SVIL: variants seen among roughly 807,000 people sequenced by gnomAD.
SVIL encodes the protein supervillin.
Under a neutral mutation model 240.4 loss-of-function variants are expected in SVIL, and 101 were observed. That is an observed-to-expected ratio of 0.42 (90% CI 0.36 to 0.50). SVIL has a LOEUF of 0.50. Among genes scored for constraint, SVIL ranks in the 20% least tolerant of loss-of-function variants. SVIL has a pLI of 0.01. For missense variants in SVIL, 2,512 were observed against 2,818.7 expected (o/e 0.89, Z 2.46); for synonymous variants, 999 against 1,100.0 (o/e 0.91, Z 1.82).
intron 1 of SVIL, among the ~76,000 whole-genome samples, chr10:29,728,569 A>G (rs1027778043): frequency 1.3e-5 from 2 of 152,202 alleles, no homozygotes; most frequent in African/African-American, 4.8e-5. Flanking sequence ...AAAAAATGAA[A>G]GGGAAAGGAA....
intron 2 of SVIL, among the ~76,000 whole-genome samples, chr10:29,680,479 G>A (rs544034967): frequency 6.6e-6 from 1 of 152,228 alleles, no homozygotes; most frequent in African/African-American, 2.4e-5. Context: ...CATGGGCAGG[G>A]GGCCGTGGGA....
At chr10:29,584,068 C>A (rs370566469) in intron 1 of SVIL, among the ~76,000 whole-genome samples, 3 of 152,110 alleles carry the variant, frequency 2.0e-5, no homozygotes, top group African/African-American at 7.2e-5. Flanking sequence ...GTGAGTGTGA[C>A]GAAGGAAGGC....
intron 10 of SVIL, among the ~76,000 whole-genome samples, chr10:29,530,938 A>T (rs1951317606): frequency 6.6e-6 from 1 of 152,208 alleles, no homozygotes; most frequent in Admixed American, 6.5e-5. Context: ...GATTTCATGA[A>T]TATATTTTAT....
At chr10:29,485,021 T>C (rs1947259981) in intron 26 of SVIL, among the ~76,000 whole-genome samples, 190 bp from the exon 27 acceptor site, 1 of 151,714 alleles carries the variant, frequency 6.6e-6, no homozygotes, top group Non-Finnish European at 1.5e-5. Flanking sequence ...GCCTCTGCCC[T>C]GCGGGCACGA....
chr10:29,688,033 G>GTTC (rs1443535299), intron 1 of SVIL, among the ~76,000 whole-genome samples: 4 of 152,118 alleles, frequency 2.6e-5, no homozygotes, highest in African/African-American at 9.7e-5. Flanking sequence ...AAGCAGCAAT[G>GTTC]ACACTTTCCC....
At chr10:29,665,816 AAACAAAC>A (rs1959238642) in intron 2 of SVIL, among the ~76,000 whole-genome samples, 1 of 152,014 alleles carries the variant, frequency 6.6e-6, no homozygotes, top group African/African-American at 2.4e-5. Context: ...ACAAACAAAC[AAACAAAC>A]AAAAAACCCT....
At chr10:29,540,533 G>T (rs1952070052) in intron 6 of SVIL, among the ~76,000 whole-genome samples, 1 of 152,236 alleles carries the variant, frequency 6.6e-6, no homozygotes, top group Non-Finnish European at 1.5e-5. Flanking sequence ...ACTGGTAACA[G>T]AAGGATGGGG....
intron 29 of SVIL, among the ~76,000 whole-genome samples, chr10:29,477,218 C>T (rs559875845): frequency 2.5e-4 from 38 of 152,334 alleles, no homozygotes; most frequent in African/African-American, 7.9e-4. Flanking sequence ...GGACATGTTA[C>T]GCCACCAAGG....
chr10:29,618,749 T>C (rs1462399775), intron 1 of SVIL, among the ~76,000 whole-genome samples: 1 of 151,310 alleles, frequency 6.6e-6, no homozygotes, highest in Admixed American at 6.6e-5. Context: ...AGACAAGGTG[T>C]CGCTTTGTCA....
chr10:29,657,721 C>A (rs1286388560), intron 3 of SVIL: 1 of 152,224 alleles, frequency 6.6e-6, no homozygotes, highest in Admixed American at 6.5e-5. Context: ...AAAGGGCACA[C>A]TGGGACACAT....
rs1958039790 is a variant in SVIL, at chr10:29,630,395, G to A, written c.-201+4025C>T. Among the ~76,000 whole-genome samples, 9 of 152,278 alleles carry A rather than the reference G, an allele frequency of 5.9e-5. No homozygotes were observed. The South Asian group carries it at 1.9e-3, about 32-fold the overall frequency. ...TTTCAGAAGGGGACAAGCACATTAG[G>A]AGGAAAAAGAATGCCTCTTTCAAAA... On this transcript the variant is annotated intron_variant, in intron 1 of 37. Transcript: ENST00000355867.
At chr10:29,567,660 C>CT (rs924758249) in intron 2 of SVIL, among the ~76,000 whole-genome samples, 5 of 152,204 alleles carry the variant, frequency 3.3e-5, no homozygotes, top group Non-Finnish European at 7.3e-5. Flanking sequence ...CTTCCTGTCT[C>CT]TTTTTTCCTT....
chr10:29,488,656 C>G lies in SVIL; in HGVS notation c.4293G>C (p.Gln1431His). The change falls in exon 23 of 38, where the codon CAG becomes CAC. Residue 1431 changes from glutamine to histidine, a missense_variant. By Grantham distance (24) the Gln-to-His change is conservative. Transcript: ENST00000355867. The part of the protein sequence containing the change: ...VSLRSVNLTE[Q>H]NSNNSAVPYK... Reference sequence around the variant, plus strand: ...AGGGCACGGCGCTGTTGTTAGAGTTCTGTTCCGTCAGGTTGACGCTCCGCA... The same window carrying G: ...AGGGCACGGCGCTGTTGTTAGAGTTGTGTTCCGTCAGGTTGACGCTCCGCA... 1 of 1,612,952 alleles carries G rather than the reference C, an allele frequency of 6.2e-7. No homozygotes were observed.
rs549924428 is a variant in SVIL, at chr10:29,576,109, C to T, written c.-200-6797G>A. 7.1e-6 allele frequency: 7 copies of T among 985,214 alleles called. No individual in the cohort carries two copies. In the South Asian group the frequency reaches 1.4e-4, roughly 20 times the overall value. 61.0% of individuals were successfully genotyped at this position (985,214 alleles called of 1,614,324 possible). ...AATCTGGTACCTGACTTTTCTCTCC[C>T]GAATACGTTTGGCTTCATTTTCGTT... On this transcript the variant is annotated intron_variant, in intron 1 of 37. Coordinates refer to ENST00000355867, the MANE Select transcript of SVIL (RefSeq NM_021738.3).
intron 2 of SVIL, among the ~76,000 whole-genome samples, chr10:29,663,029 C>T (rs772149303): frequency 5.5e-4 from 84 of 152,166 alleles, no homozygotes; most frequent in Non-Finnish European, 1.0e-3. Context: ...TGGAGGATTG[C>T]TTGAGGCCAG....
At chr10:29,715,396 G>A (rs770885935) in intron 1 of SVIL, among the ~76,000 whole-genome samples, 54 of 152,284 alleles carry the variant, frequency 3.5e-4, no homozygotes, top group Non-Finnish European at 5.0e-4. Flanking sequence ...TAACACTCTC[G>A]TGATTGGTGT....
At chr10:29,717,767 T>C (rs1055101818) in intron 1 of SVIL, among the ~76,000 whole-genome samples, 2 of 152,210 alleles carry the variant, frequency 1.3e-5, no homozygotes, top group African/African-American at 4.8e-5. Flanking sequence ...GATTTTTTGA[T>C]GCTGAGTTCA....
chr10:29,649,385 T>A (rs1247450), intron 3 of SVIL, among the ~76,000 whole-genome samples: 36,620 of 152,052 alleles, frequency 0.24, 4,720 homozygotes, highest in South Asian at 0.46. Flanking sequence ...CATGCCTCTT[T>A]CATATACAAT....
At chr10:29,669,317 A>C (rs986567871) in intron 2 of SVIL, among the ~76,000 whole-genome samples, 2 of 152,228 alleles carry the variant, frequency 1.3e-5, no homozygotes, top group African/African-American at 4.8e-5. Flanking sequence ...CTGTGCACGA[A>C]ACTTGCAAAG....
Sources: gnomAD v4.1 joint callset for allele counts (sites outside exome capture counted in the v4.1 genomes callset) on GRCh38, gnomAD v4.1.1 for gene constraint, MANE v1.5 for transcripts, NCBI Gene and HGNC (gene_info 2026-07-23, HGNC 2026-07-21) for gene names.